Variants in CD109 observed in about 807,000 individuals in gnomAD.
CD109 encodes CD109 antigen.
In CD109, 149 loss-of-function variants were observed where a neutral mutation model predicts 165.8. That is an observed-to-expected ratio of 0.90 (90% CI 0.79 to 1.03). The LOEUF (loss-of-function observed/expected upper bound fraction) is 1.03, where lower values mean the gene tolerates loss of function less well. Ranked by LOEUF, CD109 falls within the 50% of genes least tolerant of loss-of-function variation. The probability of loss-of-function intolerance (pLI) is 0.00; values close to 1 mark genes in which losing one functional copy is unlikely to be tolerated. For missense variants in CD109, 1,712 were observed against 1,677.8 expected, an observed-to-expected ratio of 1.02 and a Z score of -0.36; for synonymous variants, 585 against 592.1, an observed-to-expected ratio of 0.99 and a Z score of 0.18.
chr6:73,690,456 C>T, the CD109 span, among the ~76,000 whole-genome samples: 5 of 152,166 alleles, frequency 3.3e-5, no homozygotes, highest in African/African-American at 1.2e-4. Flanking sequence ...GGCTGGAGTG[C>T]AGTGGTGTGA....
At chr6:73,769,161 A>C (rs111569234) in intron 14 of CD109, among the ~76,000 whole-genome samples, 5 of 152,126 alleles carry the variant, frequency 3.3e-5, no homozygotes, top group Admixed American at 3.3e-4. Flanking sequence ...AGGTGCCGGG[A>C]TTACAGACAT....
At chr6:73,751,112 G>C (rs897976850) in intron 5 of CD109, among the ~76,000 whole-genome samples, 2 of 152,138 alleles carry the variant, frequency 1.3e-5, no homozygotes, top group Admixed American at 6.5e-5. Context: ...AGAGAAGTGA[G>C]GGGTAACAAA....
In CD109 at chr6:73,763,786, A is replaced by C. The variant is rs999586026; in HGVS notation, c.1107+101A>C. On this transcript the variant is annotated intron_variant, in intron 10 of 32. Coordinates refer to ENST00000287097, the MANE Select transcript of CD109 (RefSeq NM_133493.5). ...AATGCTTTTCTAAAAATTTAAGCCA[A>C]AAAGTATATAACTTTGTCTCTTTAG... The C allele has an allele frequency of 5.6e-6, 3 of 531,532 alleles. No individual in the cohort carries two copies. In the Admixed American group the frequency reaches 1.1e-4, roughly 20 times the overall value. The allele number at this position is 531,532 out of a possible 1,614,324, so 32.9% of individuals were successfully genotyped here.
intron 19 of CD109, among the ~76,000 whole-genome samples, chr6:73,785,013 AT>A (rs1562066642): frequency 6.6e-6 from 1 of 152,176 alleles, no homozygotes; most frequent in Non-Finnish European, 1.5e-5. Flanking sequence ...AGCAATATGA[AT>A]TTGTACTAGT....
rs1245663380 is a variant in CD109, at chr6:73,791,132, CATACATATATATAT to C, written c.2702-1490_2702-1477del. On this transcript the variant is annotated intron_variant, in intron 22 of 32. Coordinates refer to ENST00000287097, the MANE Select transcript of CD109 (RefSeq NM_133493.5). ...TTATTTGGAGGCATATATATACATA[CATACATATATATAT>C]ATATATATATATATATATATATATA... Among the ~76,000 whole-genome samples, 165 of 46,810 alleles carry C rather than the reference CATACATATATATAT, an allele frequency of 3.5e-3. 3 individuals carry two copies. The highest frequency in any genetic ancestry group is 0.019 in the African/African-American group (159 of 8,360). The allele number at this position is 46,810 out of a possible 152,430, so 30.7% of individuals were successfully genotyped here.
intron 5 of CD109, 106 bp downstream of exon 5, chr6:73,736,614 G>T: frequency 1.1e-6 from 1 of 937,504 alleles, no homozygotes; most frequent in Non-Finnish European, 1.6e-6. Flanking sequence ...AAAAATTAAT[G>T]TGAACATTTA....
chr6:73,776,408 C>T (rs1046922260), intron 15 of CD109, among the ~76,000 whole-genome samples: 7 of 150,966 alleles, frequency 4.6e-5, no homozygotes, highest in South Asian at 2.1e-4. Flanking sequence ...GTCGCCTCCA[C>T]GCCTGGCTAA....
intron 2 of CD109, among the ~76,000 whole-genome samples, chr6:73,712,402 C>G (rs1771572991): frequency 6.6e-6 from 1 of 151,990 alleles, no homozygotes; most frequent in South Asian, 2.1e-4. Flanking sequence ...GACTGAGTAG[C>G]AAAAGGCTGC....
intron 2 of CD109, among the ~76,000 whole-genome samples, chr6:73,706,902 A>G (rs1399340040): frequency 6.6e-6 from 1 of 152,262 alleles, no homozygotes; most frequent in African/African-American, 2.4e-5. Context: ...CTTAAGTTTC[A>G]CTGCAATATA....
At chr6:73,806,152 C>T (rs1775553754) in intron 24 of CD109, among the ~76,000 whole-genome samples, 1 of 152,090 alleles carries the variant, frequency 6.6e-6, no homozygotes, top group African/African-American at 2.4e-5. Flanking sequence ...GAAAATGTGG[C>T]ACATATACAC....
intron 31 of CD109, 123 bp downstream of exon 31, chr6:73,818,658 G>A (rs1328024488): frequency 1.2e-6 from 1 of 843,518 alleles, no homozygotes; most frequent in Non-Finnish European, 1.8e-6. Context: ...GTCCCTGAAT[G>A]AGTTTAACAT....
chr6:73,779,497 C>T (rs1349855634), intron 15 of CD109, among the ~76,000 whole-genome samples: 2 of 152,094 alleles, frequency 1.3e-5, no homozygotes, highest in African/African-American at 4.8e-5. Flanking sequence ...ATCCGCCCGC[C>T]TCGGCCTCCC....
intron 2 of CD109, among the ~76,000 whole-genome samples, chr6:73,711,809 TTACAGG>T (rs1771547806): frequency 4.9e-5 from 2 of 40,976 alleles, no homozygotes; most frequent in East Asian, 3.5e-4. Flanking sequence ...AGTGCTGGGA[TTACAGG>T]CGTGAGCCAC....
chr6:73,823,874 C>G lies in CD109; in HGVS notation c.*241C>G. On this transcript the variant is annotated 3_prime_UTR_variant, in exon 33 of 33. Coordinates refer to ENST00000287097, the MANE Select transcript of CD109 (RefSeq NM_133493.5). ...TGTCTATATTTTCCCCTCTCAAAAT[C>G]TTTTAGAATTTTTTTGGAGGTGTTT... The G allele has an allele frequency of 2.9e-6, 1 of 341,538 alleles. No homozygotes were observed. Among genetic ancestry groups the G allele is most frequent in the Non-Finnish European group, 5.3e-6 (1 of 189,206 alleles). 21.2% of individuals were successfully genotyped at this position (341,538 alleles called of 1,614,324 possible).
At chr6:73,801,054 G>A (rs961433135) in intron 23 of CD109, among the ~76,000 whole-genome samples, 7 of 152,158 alleles carry the variant, frequency 4.6e-5, no homozygotes, top group Non-Finnish European at 1.0e-4. Flanking sequence ...AGAGAGTAAT[G>A]CCTATTGTTT....
Position 73,823,483 on chromosome 6 carries a change from C to T in CD109, c.4188C>T (p.Asn1396=). Residue 1396 remains asparagine, a synonymous_variant, in exon 33 of 33, where the codon AAC becomes AAT. Coordinates refer to ENST00000287097, the MANE Select transcript of CD109 (RefSeq NM_133493.5). Reference sequence around the variant, plus strand: ...GGAGACAGGCGGTGAGAAGTTACAACTCTGAAGTGAAGCTGTCCTCCTGTG... The same window carrying T: ...GGAGACAGGCGGTGAGAAGTTACAATTCTGAAGTGAAGCTGTCCTCCTGTG... ...EPRRQAVRSY[N]SEVKLSSCDL... 1 of 1,613,082 alleles carries T rather than the reference C, an allele frequency of 6.2e-7. No individual in the cohort carries two copies. The highest frequency in any genetic ancestry group is 8.5e-7 in the Non-Finnish European group (1 of 1,179,212).
chr6:73,712,140 C>T (rs968630099), intron 2 of CD109, among the ~76,000 whole-genome samples: 5 of 151,976 alleles, frequency 3.3e-5, no homozygotes, highest in African/African-American at 4.8e-5. Context: ...ACCTGGAAAG[C>T]GGAGGTTGTA....
chr6:73,749,050 G>C (rs971807290), intron 5 of CD109, among the ~76,000 whole-genome samples: 1 of 152,214 alleles, frequency 6.6e-6, no homozygotes, highest in Non-Finnish European at 1.5e-5. Flanking sequence ...AGTCAGGTTA[G>C]TAGGGATCGG....
chr6:73,792,870 T>A, intron 23 of CD109, 68 bp downstream of exon 23: 1 of 1,177,924 alleles, frequency 8.5e-7, no homozygotes, highest in Non-Finnish European at 1.2e-6. Context: ...GGGTTCATTC[T>A]AGACCATATT....
Sources: allele counts gnomAD v4.1 joint callset (sites outside exome capture counted in the v4.1 genomes callset), GRCh38; gene constraint gnomAD v4.1.1; transcripts MANE v1.5; gene names NCBI Gene and HGNC (gene_info 2026-07-23, HGNC 2026-07-21).